The following ALG10B variants were observed in gnomAD, a reference collection of about 807,000 sequenced individuals.
ALG10B encodes the protein dol-P-Glc:Glc(2)Man(9)GlcNAc(2)-PP-Dol alpha-1,2-glucosyltransferase B.
In ALG10B, 27 loss-of-function variants were observed where a neutral mutation model predicts 38.7. The observed-to-expected ratio is 0.70, with a 90% CI of 0.51 to 0.96. The LOEUF is 0.96. Ranked by LOEUF, ALG10B falls within the 40% of genes least tolerant of loss-of-function variation. The pLI is 0.00. For synonymous variants in ALG10B, 177 were observed against 193.3 expected (o/e 0.92, Z 0.70); for missense variants, 522 against 542.7 (o/e 0.96, Z 0.38).
Position 38,320,318 on chromosome 12 carries a change from C to A in ALG10B, c.527C>A (p.Ala176Asp), listed in dbSNP as rs751051428. 8 of 1,614,010 alleles carry A rather than the reference C, an allele frequency of 5.0e-6. No individual in the cohort carries two copies. The highest frequency in any genetic ancestry group is 1.7e-5 in the Admixed American group (1 of 60,004). Reference protein sequence around the residue: ...MCLYGNHKTSAFLGFCGFMFR... With the variant: ...MCLYGNHKTSDFLGFCGFMFR... ...CTTTATGGAAATCATAAAACTTCAG[C>A]CTTCCTTGGATTTTGTGGCTTCATG... Residue 176 changes from alanine to aspartate, a missense_variant, in exon 3 of 3, where the codon GCC becomes GAC. Transcript: ENST00000308742.
In ALG10B at chr12:38,329,162, T is replaced by A. The variant is rs543493707; in HGVS notation, c.*7949T>A. 2 of 398,366 alleles carry A rather than the reference T, an allele frequency of 5.0e-6. No homozygotes were observed. The highest frequency in any genetic ancestry group is 2.5e-4 in the South Asian group (2 of 7,856). 24.7% of individuals were successfully genotyped at this position (398,366 alleles called of 1,614,324 possible). A position where few individuals can be genotyped will look rare whatever the true frequency, so the allele number is the denominator to read the frequency against. On this transcript the variant is annotated 3_prime_UTR_variant, in exon 3 of 3. Coordinates refer to ENST00000308742, the MANE Select transcript of ALG10B (RefSeq NM_001013620.4). ...TTCCTAGTTTTATAGGTCAGAAAAATGAGGTCCACACTAATTTTGCCTCTT... is the reference window on the plus strand; with the variant it reads ...TTCCTAGTTTTATAGGTCAGAAAAAAGAGGTCCACACTAATTTTGCCTCTT...
chr12:38,317,052 C>A lies in ALG10B; in HGVS notation c.159C>A (p.Phe53Leu). The A allele has an allele frequency of 6.2e-7, 1 of 1,614,200 alleles. No individual in the cohort carries two copies. The highest frequency in any genetic ancestry group is 8.5e-7 in the Non-Finnish European group (1 of 1,180,038). ...PQAQRYCEGH[F>L]SLSQWDPMIT... ...CGCAGCGCTACTGTGAGGGCCATTT[C>A]TCCCTTTCCCAGGTGGGGTGCCCAA... The change falls in exon 1 of 3, where the codon TTC (phenylalanine) becomes TTA (leucine). Residue 53 changes from phenylalanine to leucine, a missense_variant. Physicochemically the swap from Phe to Leu is conservative, Grantham distance 22. Coordinates refer to ENST00000308742, the MANE Select transcript of ALG10B (RefSeq NM_001013620.4).
Position 38,316,807 on chromosome 12 carries a change from C to T in ALG10B, c.-87C>T. On this transcript the variant is annotated 5_prime_UTR_variant, in exon 1 of 3. Coordinates refer to ENST00000308742, the MANE Select transcript of ALG10B (RefSeq NM_001013620.4). ...GTCTGGCTAGTCCTGTCTAGCGCGC[C>T]CATTTCGAGCCCAAGTTTCCAGCTC... 1 of 1,610,300 alleles carries T rather than the reference C, an allele frequency of 6.2e-7. No homozygotes were observed. Among genetic ancestry groups the T allele is most frequent in the South Asian group, 1.1e-5 (1 of 90,858 alleles).
Position 38,325,055 on chromosome 12 carries a change from T to A in ALG10B, c.*3842T>A, listed in dbSNP as rs369261870. 1 of 152,172 alleles carries A rather than the reference T, an allele frequency of 6.6e-6. No individual in the cohort carries two copies. The highest frequency in any genetic ancestry group is 1.5e-5 in the Non-Finnish European group (1 of 68,008). The allele number at this position is 152,172 out of a possible 1,614,324, so 9.4% of individuals were successfully genotyped here. ...TCTGTGAAATTCTAGAGATATGTTA[T>A]CTTTAGGTAGCATGAGTAAGATTCA... On this transcript the variant is annotated 3_prime_UTR_variant, in exon 3 of 3. Coordinates refer to ENST00000308742, the MANE Select transcript of ALG10B (RefSeq NM_001013620.4).
intron 1 of ALG10B, chr12:38,317,310 C>G (rs1945664529): frequency 1.6e-6 from 1 of 614,560 alleles, no homozygotes; most frequent in African/African-American, 1.8e-5. Flanking sequence ...TAGTGGGGAA[C>G]TGAGCGCTCC....
chr12:38,329,701 A>G lies in ALG10B; in HGVS notation c.*8488A>G, dbSNP rs538461560. 2.6e-5 allele frequency: 4 copies of G among 152,294 alleles called. No individual in the cohort carries two copies. Among genetic ancestry groups the G allele is most frequent in the African/African-American group, 9.7e-5 (4 of 41,448 alleles). 9.4% of individuals were successfully genotyped at this position (152,294 alleles called of 1,614,324 possible). A position where few individuals can be genotyped will look rare whatever the true frequency, so the allele number is the denominator to read the frequency against. ...TAGCATGTTTTTATTTTGTTTCTAA[A>G]TAAATTCATGTTTGATAATATTTTA... is the stretch of plus-strand genomic sequence containing the variant. On this transcript the variant is annotated 3_prime_UTR_variant, in exon 3 of 3. Transcript: ENST00000308742.
chr12:38,316,708 T>C (rs1275103280), upstream of ALG10B: 4 of 939,140 alleles, frequency 4.3e-6, no homozygotes, highest in African/African-American at 3.2e-5. Context: ...AACCCGTCAC[T>C]CCAGGAAACA....
In ALG10B at chr12:38,320,919, C is replaced by CTA. The variant is rs1945698275; in HGVS notation, c.1134_1135dup (p.Phe379TyrfsTer7). 1 of 1,613,588 alleles carries CTA rather than the reference C, an allele frequency of 6.2e-7. No homozygotes were observed. Among genetic ancestry groups the CTA allele is most frequent in the Non-Finnish European group, 8.5e-7 (1 of 1,179,866 alleles). On this transcript the variant is annotated frameshift_variant, in exon 3 of 3. Coordinates refer to ENST00000308742, the MANE Select transcript of ALG10B (RefSeq NM_001013620.4). LOFTEE classifies it high-confidence loss of function. ...TTCTGAAATATTTGTTAGTTCCAGC[C>CTA]TATATATTTGCTGGTTGGAGTATAG... is the stretch of plus-strand genomic sequence containing the variant.
chr12:38,319,996 A>G (rs1945687103), intron 2 of ALG10B, among the ~76,000 whole-genome samples, 165 bp from the exon 3 acceptor site: 2 of 152,172 alleles, frequency 1.3e-5, no homozygotes, highest in African/African-American at 4.8e-5. Flanking sequence ...GTTCTTATAA[A>G]TGTTTATTGT....
Position 38,325,157 on chromosome 12 carries a change from A to G in ALG10B, c.*3944A>G, listed in dbSNP as rs570775859. 4 of 152,310 alleles carry G rather than the reference A, an allele frequency of 2.6e-5. No homozygotes were observed. Among genetic ancestry groups the G allele is most frequent in the South Asian group, 4.1e-4 (2 of 4,826 alleles). The allele number at this position is 152,310 out of a possible 1,614,324, so 9.4% of individuals were successfully genotyped here. On this transcript the variant is annotated 3_prime_UTR_variant, in exon 3 of 3. Transcript: ENST00000308742. ...GGAATCTTTTGAACTGCGTCTATGT[A>G]TTTAAATGATTTGGAAAGATAGCAT... is the stretch of plus-strand genomic sequence containing the variant.
chr12:38,321,326 C>G lies in ALG10B; in HGVS notation c.*113C>G. 1.9e-6 allele frequency: 2 copies of G among 1,059,660 alleles called. No homozygotes were observed. The highest frequency in any genetic ancestry group is 2.7e-6 in the Non-Finnish European group (2 of 752,426). 65.6% of individuals were successfully genotyped at this position (1,059,660 alleles called of 1,614,324 possible). A position where few individuals can be genotyped will look rare whatever the true frequency, so the allele number is the denominator to read the frequency against. On this transcript the variant is annotated 3_prime_UTR_variant, in exon 3 of 3. Transcript: ENST00000308742. ...TTCTTTTAGGTGCAGTGGTGGTCCTCAAATTACATTAGTTTTTTTAATATA... is the reference window on the plus strand; with the variant it reads ...TTCTTTTAGGTGCAGTGGTGGTCCTGAAATTACATTAGTTTTTTTAATATA...
In ALG10B at chr12:38,320,391, C is replaced by T. The variant is rs760899131; in HGVS notation, c.600C>T (p.Val200=). Residue 200 remains valine (V), a synonymous_variant, in exon 3 of 3, where the codon GTC becomes GTT. Transcript: ENST00000308742. ...GGGCTGTCTTCTGTGCAGGGAATGT[C>T]ATTGCACAAAAGTTAACTGAGGCTT... The part of the protein sequence containing the change: ...IIWAVFCAGN[V]IAQKLTEAWK... 1 of 1,614,052 alleles carries T rather than the reference C, an allele frequency of 6.2e-7. No individual in the cohort carries two copies. The highest frequency in any genetic ancestry group is 8.5e-7 in the Non-Finnish European group (1 of 1,179,974).
At position 38,325,816 on chromosome 12, in the gene ALG10B, A is replaced by G. The variant is rs1945739431; in HGVS notation, c.*4603A>G. On this transcript the variant is annotated 3_prime_UTR_variant, in exon 3 of 3. Coordinates refer to ENST00000308742, the MANE Select transcript of ALG10B (RefSeq NM_001013620.4). ...TAGTCAGTGTCTGATTGGTATGTGT[A>G]TAACCTTATTTTAAAAAGGATTCAT... The G allele has an allele frequency of 6.6e-6, 1 of 152,178 alleles. No homozygotes were observed. The highest frequency in any genetic ancestry group is 6.5e-5 in the Admixed American group (1 of 15,280). 9.4% of individuals were successfully genotyped at this position (152,178 alleles called of 1,614,324 possible).
rs1247548493 is a variant in ALG10B at position 38,324,928 on chromosome 12, C to T, written c.*3715C>T. 1.3e-5 allele frequency: 2 copies of T among 152,134 alleles called. No homozygotes were observed. Among genetic ancestry groups the T allele is most frequent in the Non-Finnish European group, 2.9e-5 (2 of 68,010 alleles). The allele number at this position is 152,134 out of a possible 1,614,324, so 9.4% of individuals were successfully genotyped here. A position where few individuals can be genotyped will look rare whatever the true frequency, so the allele number is the denominator to read the frequency against. ...ATCTGGAGCCCTACAGTTACCATTA[C>T]TAAAGTCTGTGAGTATGTCTATTTT... On this transcript the variant is annotated 3_prime_UTR_variant, in exon 3 of 3. Coordinates refer to ENST00000308742, the MANE Select transcript of ALG10B (RefSeq NM_001013620.4).
rs1049036604 is a variant in ALG10B at position 38,321,293 on chromosome 12, C to G, written c.*80C>G. On this transcript the variant is annotated 3_prime_UTR_variant, in exon 3 of 3. Coordinates refer to ENST00000308742, the MANE Select transcript of ALG10B (RefSeq NM_001013620.4). ...AAAGAACAACTGAATAGGTGGAAAA[C>G]ATGGAATTTCTTTTAGGTGCAGTGG... The G allele has an allele frequency of 2.1e-6, 3 of 1,442,824 alleles. No individual in the cohort carries two copies. The African/African-American group carries it at 4.3e-5, about 21-fold the overall frequency. 89.4% of individuals were successfully genotyped at this position (1,442,824 alleles called of 1,614,324 possible).
Position 38,321,236 on chromosome 12 carries a change from A to G in ALG10B, c.*23A>G, listed in dbSNP as rs775464689. On this transcript the variant is annotated 3_prime_UTR_variant, in exon 3 of 3. Coordinates refer to ENST00000308742, the MANE Select transcript of ALG10B (RefSeq NM_001013620.4). ...TAATATCAGTGATATTTTGAACTGT[A>G]AAAATGGACTTAATAATTAGACCAT... The G allele has an allele frequency of 5.7e-5, 91 of 1,599,560 alleles. 1 individual carries two copies. The highest frequency in any genetic ancestry group is 3.3e-4 in the Middle Eastern group (2 of 6,006).
rs1427994244 is a variant in ALG10B, at chr12:38,321,291, A to C, written c.*78A>C. On this transcript the variant is annotated 3_prime_UTR_variant, in exon 3 of 3. Coordinates refer to ENST00000308742, the MANE Select transcript of ALG10B (RefSeq NM_001013620.4). ...ACAAAGAACAACTGAATAGGTGGAA[A>C]ACATGGAATTTCTTTTAGGTGCAGT... 1.4e-4 allele frequency: 209 copies of C among 1,454,886 alleles called. No individual in the cohort carries two copies. Among genetic ancestry groups the C allele is most frequent in the Non-Finnish European group, 1.1e-4 (118 of 1,071,480 alleles). The allele number at this position is 1,454,886 out of a possible 1,614,324, so 90.1% of individuals were successfully genotyped here.
chr12:38,325,601 G>A lies in ALG10B; in HGVS notation c.*4388G>A, dbSNP rs947738281. The A allele has an allele frequency of 6.6e-6, 1 of 152,146 alleles. No individual in the cohort carries two copies. Among genetic ancestry groups the A allele is most frequent in the African/African-American group, 2.4e-5 (1 of 41,440 alleles). 9.4% of individuals were successfully genotyped at this position (152,146 alleles called of 1,614,324 possible). ...TTTCATTAAAAAGTGAAGCAAGTAA[G>A]AATTGTGATATAAATTTGAAAATTT... On this transcript the variant is annotated 3_prime_UTR_variant, in exon 3 of 3. Coordinates refer to ENST00000308742, the MANE Select transcript of ALG10B (RefSeq NM_001013620.4).
In ALG10B at chr12:38,321,999, G is replaced by T. The variant is rs1945708689; in HGVS notation, c.*786G>T. The T allele has an allele frequency of 6.6e-6, 1 of 152,150 alleles. No individual in the cohort carries two copies. Among genetic ancestry groups the T allele is most frequent in the South Asian group, 2.1e-4 (1 of 4,820 alleles). 9.4% of individuals were successfully genotyped at this position (152,150 alleles called of 1,614,324 possible). Reference sequence around the variant, plus strand: ...CCATAACAAATGACCACAAACTTGGGTGCTTACAACAATTTTCCTCACAGT... The same window carrying T: ...CCATAACAAATGACCACAAACTTGGTTGCTTACAACAATTTTCCTCACAGT... On this transcript the variant is annotated 3_prime_UTR_variant, in exon 3 of 3. Transcript: ENST00000308742.
Sources: allele counts gnomAD v4.1 joint callset (sites outside exome capture counted in the v4.1 genomes callset), GRCh38; gene constraint gnomAD v4.1.1; transcripts MANE v1.5; gene names NCBI Gene and HGNC (gene_info 2026-07-23, HGNC 2026-07-21).